Variants in IL1RAPL1 observed in about 807,000 individuals in gnomAD.
IL1RAPL1 encodes the protein interleukin-1 receptor accessory protein-like 1.
Under a neutral mutation model 48.4 loss-of-function variants are expected in IL1RAPL1, and 3 were observed. The observed-to-expected ratio is 0.06, with a 90% CI of 0.03 to 0.16. The LOEUF is 0.16. Ranked by LOEUF, IL1RAPL1 falls within the 10% of genes least tolerant of loss-of-function variation. The pLI is 1.00. For missense variants in IL1RAPL1, 349 were observed against 530.6 expected, an observed-to-expected ratio of 0.66 and a Z score of 3.36; for synonymous variants, 185 against 187.7, an observed-to-expected ratio of 0.99 and a Z score of 0.12.
chrX:28,648,778 G>A (rs1365797103), intron 1 of IL1RAPL1, among the ~76,000 whole-genome samples: 1 of 111,887 alleles, frequency 8.9e-6, no homozygotes, highest in Non-Finnish European at 1.9e-5. Flanking sequence ...TGAAAAGTTG[G>A]GAAGAGATGG....
intron 6 of IL1RAPL1, among the ~76,000 whole-genome samples, chrX:29,860,943 A>C (rs1175376963): frequency 8.9e-6 from 1 of 112,233 alleles, no homozygotes; most frequent in African/African-American, 3.2e-5. Context: ...TTATAAAAGG[A>C]GGAGGGAGAT....
chrX:28,976,999 C>T (rs761389025), intron 2 of IL1RAPL1, among the ~76,000 whole-genome samples: 1 of 112,455 alleles, frequency 8.9e-6, no homozygotes, highest in South Asian at 3.6e-4. Context: ...TACAACTTTA[C>T]TTAAAAATGA....
intron 2 of IL1RAPL1, among the ~76,000 whole-genome samples, chrX:28,868,653 C>T (rs1160378681): frequency 1.8e-5 from 2 of 111,427 alleles, no homozygotes; most frequent in Non-Finnish European, 3.8e-5. Context: ...TCCTGCATAC[C>T]GCCCACTTGC....
At chrX:29,910,456 A>T (rs1932745060) in intron 6 of IL1RAPL1, among the ~76,000 whole-genome samples, 1 of 111,780 alleles carries the variant, frequency 8.9e-6, no homozygotes, top group South Asian at 3.8e-4. Context: ...GTCCCATTGT[A>T]TATTCTTGTT....
intron 5 of IL1RAPL1, among the ~76,000 whole-genome samples, chrX:29,587,758 A>G (rs969026894): frequency 8.9e-6 from 1 of 112,274 alleles, no homozygotes; most frequent in Admixed American, 9.4e-5. Flanking sequence ...GCGAAATAAT[A>G]TGCCAGATGT....
At chrX:28,839,271 C>T (rs1921302645) in intron 2 of IL1RAPL1, among the ~76,000 whole-genome samples, 1 of 110,861 alleles carries the variant, frequency 9.0e-6, no homozygotes, top group Non-Finnish European at 1.9e-5. Context: ...CTTCTTGATG[C>T]TAGAACCTAT....
At chrX:28,948,326 G>C (rs1040602524) in intron 2 of IL1RAPL1, among the ~76,000 whole-genome samples, 3 of 111,184 alleles carry the variant, frequency 2.7e-5, no homozygotes, top group Non-Finnish European at 5.7e-5. Context: ...GTTTCATTCT[G>C]CCTTTTACCT....
At chrX:29,442,511 G>GA (rs1331608949) in intron 5 of IL1RAPL1, among the ~76,000 whole-genome samples, 1 of 111,485 alleles carries the variant, frequency 9.0e-6, no homozygotes, top group African/African-American at 3.3e-5. Flanking sequence ...AAAATAAAAT[G>GA]AAAACAAAAC....
In IL1RAPL1 at chrX:29,269,467, T is replaced by C. The variant is rs759632856; in HGVS notation, c.83-13471T>C. ...CACCCATAAGCTGCACTCTCAAAGATAGGGGAAAATAAAACCAAAAGCAAC... is the reference window on the plus strand; with the variant it reads ...CACCCATAAGCTGCACTCTCAAAGACAGGGGAAAATAAAACCAAAAGCAAC... On this transcript the variant is annotated intron_variant, in intron 2 of 10. Coordinates refer to ENST00000378993, the MANE Select transcript of IL1RAPL1 (RefSeq NM_014271.4). Among the ~76,000 whole-genome samples the C allele has an allele frequency of 8.1e-5, 9 of 111,273 alleles. No individual in the cohort carries two copies. In the South Asian group the frequency reaches 1.9e-3, roughly 23 times the overall value.
At chrX:29,893,525 G>A (rs1412721813) in intron 6 of IL1RAPL1, among the ~76,000 whole-genome samples, 1 of 110,586 alleles carries the variant, frequency 9.0e-6, no homozygotes, top group Admixed American at 9.7e-5. Flanking sequence ...TCATCTTGAC[G>A]TTTAAGATTT....
chrX:28,610,836 G>T (rs1010058023), intron 1 of IL1RAPL1, among the ~76,000 whole-genome samples: 2 of 111,028 alleles, frequency 1.8e-5, no homozygotes, highest in African/African-American at 6.6e-5. Flanking sequence ...TAAGCTCTCT[G>T]GTGATACCAT....
At chrX:29,864,945 A>G (rs1931660865) in intron 6 of IL1RAPL1, among the ~76,000 whole-genome samples, 1 of 112,070 alleles carries the variant, frequency 8.9e-6, no homozygotes, top group Non-Finnish European at 1.9e-5. Context: ...ATAGATACTT[A>G]TCAGAAAAGA....
chrX:29,251,612 G>C (rs780985058), intron 2 of IL1RAPL1, among the ~76,000 whole-genome samples: 1 of 111,000 alleles, frequency 9.0e-6, no homozygotes, highest in Admixed American at 9.6e-5. Flanking sequence ...AGAATTAAAA[G>C]GAAGTGAAGG....
chrX:28,786,492 G>A (rs1936476606), intron 1 of IL1RAPL1, among the ~76,000 whole-genome samples: 1 of 111,277 alleles, frequency 9.0e-6, no homozygotes, highest in East Asian at 2.8e-4. Flanking sequence ...CAAAAATCCC[G>A]GAAGCTTTGA....
chrX:28,826,857 A>G (rs758444267), intron 2 of IL1RAPL1, among the ~76,000 whole-genome samples: 2 of 111,116 alleles, frequency 1.8e-5, no homozygotes, highest in South Asian at 7.5e-4. Flanking sequence ...TCCCTACACC[A>G]TAGTAGTAAT....
At chrX:29,398,820 A>G (rs186334097) in intron 4 of IL1RAPL1, among the ~76,000 whole-genome samples, 4 of 111,949 alleles carry the variant, frequency 3.6e-5, no homozygotes, top group East Asian at 2.8e-4. Context: ...TAGTCTTAGC[A>G]TACATCTCTA....
At chrX:29,210,074 T>G (rs1930741616) in intron 2 of IL1RAPL1, among the ~76,000 whole-genome samples, 1 of 112,311 alleles carries the variant, frequency 8.9e-6, no homozygotes, top group African/African-American at 3.2e-5. Context: ...ATGTGTTTTG[T>G]GAGGTATAAC....
chrX:29,751,411 A>G (rs1256617141), intron 6 of IL1RAPL1, among the ~76,000 whole-genome samples: 1 of 111,985 alleles, frequency 8.9e-6, no homozygotes, highest in Non-Finnish European at 1.9e-5. Context: ...GTATAAATTT[A>G]CTACTGAATA....
At chrX:29,889,719 G>A (rs985153618) in intron 6 of IL1RAPL1, among the ~76,000 whole-genome samples, 3 of 111,354 alleles carry the variant, frequency 2.7e-5, no homozygotes, top group Non-Finnish European at 3.8e-5. Context: ...TTATACACAC[G>A]TGTTGTTTAT....
Sources: allele counts gnomAD v4.1 joint callset (sites outside exome capture counted in the v4.1 genomes callset), GRCh38; gene constraint gnomAD v4.1.1; transcripts MANE v1.5; gene names NCBI Gene and HGNC (gene_info 2026-07-23, HGNC 2026-07-21).